Variants in NPTN observed in about 807,000 individuals in gnomAD.
The protein encoded by NPTN is SDR-1.
Under a neutral mutation model 42.7 loss-of-function variants are expected in NPTN, and 5 were observed. That is an observed-to-expected ratio of 0.12 (90% CI 0.06 to 0.25). The LOEUF is 0.25. Ranked by LOEUF, NPTN falls within the 10% of genes least tolerant of loss-of-function variation. The pLI is 1.00. For missense variants in NPTN, 307 were observed against 525.4 expected (o/e 0.58, Z 4.06); for synonymous variants, 180 against 201.9 (o/e 0.89, Z 0.92).
Position 73,560,856 on chromosome 15 carries a change from A to G in NPTN, c.*207T>C, listed in dbSNP as rs946843561. Reference sequence around the variant, plus strand: ...ACATTCACAGCACATCAAGCCCAAAATAGTTTACACCTTCTACACTGAAGC... The same window carrying G: ...ACATTCACAGCACATCAAGCCCAAAGTAGTTTACACCTTCTACACTGAAGC... On this transcript the variant is annotated 3_prime_UTR_variant, in exon 9 of 9. Transcript: ENST00000345330. 6.6e-6 allele frequency: 1 copy of G among 152,484 alleles called. No homozygotes were observed. Among genetic ancestry groups the G allele is most frequent in the Non-Finnish European group, 1.5e-5 (1 of 68,002 alleles). The allele number at this position is 152,484 out of a possible 1,614,324, so 9.4% of individuals were successfully genotyped here.
rs1483774401 is a variant in NPTN, at chr15:73,592,099, C to T, written c.478G>A (p.Asp160Asn). ...IVTSEEVIIR[D>N]SPVLPVTLQC... ...AGGGTGACAGGGAGAACAGGGCTGT[C>T]TCGAATAATGACCTCTTCACTGGTG... Residue 160 changes from aspartate to asparagine, a missense_variant, in exon 3 of 9, where the codon GAC becomes AAC. Around this residue, in one of 2 missense-constraint regions of NPTN, gnomAD observed 264 missense variants for 491.1 expected, o/e 0.54. Transcript: ENST00000345330. 5.0e-6 allele frequency: 8 copies of T among 1,613,974 alleles called. No homozygotes were observed. Among genetic ancestry groups the T allele is most frequent in the Non-Finnish European group, 6.8e-6 (8 of 1,179,956 alleles).
chr15:73,623,115 C>G lies in NPTN; in HGVS notation c.91+10010G>C, dbSNP rs114504580. 5.6e-3 allele frequency among the ~76,000 whole-genome samples: 857 copies of G among 152,226 alleles called. 6 individuals are homozygous for G. The highest frequency in any genetic ancestry group is 0.02 in the African/African-American group (817 of 41,532). On this transcript the variant is annotated intron_variant, in intron 1 of 8. Coordinates refer to ENST00000345330, the MANE Select transcript of NPTN (RefSeq NM_012428.4). ...AAGAAAAAGCTTAATTTCTAATGGC[C>G]AAAGGTTATACTTTTACTAGGTTTC...
At chr15:73,604,861 C>T (rs1266146440) in intron 1 of NPTN, among the ~76,000 whole-genome samples, 3 of 152,204 alleles carry the variant, frequency 2.0e-5, no homozygotes. Flanking sequence ...CGCAGTGGCT[C>T]ATGCCTGTAA....
intron 1 of NPTN, among the ~76,000 whole-genome samples, chr15:73,628,933 G>A (rs1211334783): frequency 3.9e-5 from 6 of 152,172 alleles, no homozygotes; most frequent in African/African-American, 7.2e-5. Context: ...ATAAGGATCT[G>A]TATTAATCAA....
chr15:73,595,784 C>T (rs1896809751), intron 2 of NPTN, among the ~76,000 whole-genome samples: 1 of 152,176 alleles, frequency 6.6e-6, no homozygotes, highest in African/African-American at 2.4e-5. Context: ...TCTTCTTGGC[C>T]AGGAACGTTG....
chr15:73,562,561 T>G (rs950740568), intron 7 of NPTN, among the ~76,000 whole-genome samples: 11 of 152,182 alleles, frequency 7.2e-5, no homozygotes, highest in African/African-American at 2.7e-4. Context: ...ACTTAACAAA[T>G]TTGGGTGCTG....
At chr15:73,608,151 GT>G (rs1897376461) in intron 1 of NPTN, among the ~76,000 whole-genome samples, 1 of 152,134 alleles carries the variant, frequency 6.6e-6, no homozygotes, top group Non-Finnish European at 1.5e-5. Flanking sequence ...GTTTTCCAGT[GT>G]ATACACTGAC....
chr15:73,607,290 A>T (rs528321280), intron 1 of NPTN, among the ~76,000 whole-genome samples: 18 of 152,326 alleles, frequency 1.2e-4, no homozygotes, highest in African/African-American at 4.1e-4. Context: ...CTCAAAAGCT[A>T]ATCTTTGCCA....
rs562933661 is a variant in NPTN at position 73,582,020 on chromosome 15, G to C, written c.706+5504C>G. On this transcript the variant is annotated intron_variant, in intron 4 of 8. Coordinates refer to ENST00000345330, the MANE Select transcript of NPTN (RefSeq NM_012428.4). ...CGGCTAATTTTTGTATTTTTTAGTA[G>C]AGACGGGGTTTCACCACCTTGGTCA... Among the ~76,000 whole-genome samples the C allele has an allele frequency of 3.2e-3, 484 of 152,226 alleles. 7 individuals carry two copies. The highest frequency in any genetic ancestry group is 0.011 in the African/African-American group (459 of 41,520).
intron 1 of NPTN, among the ~76,000 whole-genome samples, chr15:73,604,479 T>C (rs1897207060): frequency 6.6e-6 from 1 of 152,144 alleles, no homozygotes; most frequent in Admixed American, 6.5e-5. Flanking sequence ...ACAAAAATTA[T>C]GGGAATCTCT....
chr15:73,615,280 A>G (rs867782542), intron 1 of NPTN, among the ~76,000 whole-genome samples: 2 of 152,152 alleles, frequency 1.3e-5, no homozygotes, highest in Non-Finnish European at 2.9e-5. Flanking sequence ...AAGATTACTG[A>G]GCACATAACT....
chr15:73,574,764 AAC>A (rs1213280082), intron 4 of NPTN, among the ~76,000 whole-genome samples: 1 of 152,136 alleles, frequency 6.6e-6, no homozygotes, highest in African/African-American at 2.4e-5. Context: ...CCTGATTTGC[AAC>A]AGTTTCCTAG....
At chr15:73,591,253 T>C (rs867622144) in intron 3 of NPTN, among the ~76,000 whole-genome samples, 1 of 152,330 alleles carries the variant, frequency 6.6e-6, no homozygotes, top group South Asian at 2.1e-4. Context: ...CTCAGTGCTC[T>C]CTTTCTTTGC....
intron 7 of NPTN, among the ~76,000 whole-genome samples, chr15:73,562,190 A>AT (rs1217208703): frequency 4.6e-5 from 7 of 152,094 alleles, no homozygotes; most frequent in Non-Finnish European, 8.8e-5. Context: ...CAGATTTTGA[A>AT]TTTTTTTAGA....
rs1894573461 is a variant in NPTN, at chr15:73,560,130, T to C, written c.*933A>G. 1 of 421,238 alleles carries C rather than the reference T, an allele frequency of 2.4e-6. No individual in the cohort carries two copies. Among genetic ancestry groups the C allele is most frequent in the East Asian group, 4.7e-5 (1 of 21,334 alleles). 26.1% of individuals were successfully genotyped at this position (421,238 alleles called of 1,614,324 possible). A position where few individuals can be genotyped will look rare whatever the true frequency, so the allele number is the denominator to read the frequency against. ...CATGCATCTACAATTACGCACCGCA[T>C]GAGAACCGTTAGGTTATAAAATCTA... On this transcript the variant is annotated 3_prime_UTR_variant, in exon 9 of 9. Coordinates refer to ENST00000345330, the MANE Select transcript of NPTN (RefSeq NM_012428.4).
intron 4 of NPTN, among the ~76,000 whole-genome samples, chr15:73,574,424 A>G (rs897870560): frequency 9.2e-5 from 14 of 151,968 alleles, no homozygotes; most frequent in Non-Finnish European, 1.5e-4. Flanking sequence ...TTTTTTTTTA[A>G]TTGAATGACT....
chr15:73,567,401 A>G (rs1050586285), intron 6 of NPTN: 20 of 985,464 alleles, frequency 2.0e-5, no homozygotes, highest in Non-Finnish European at 2.4e-5. Flanking sequence ...GTAAACACTT[A>G]TGACCTCTTA....
chr15:73,624,409 G>C (rs1898293685), intron 1 of NPTN, among the ~76,000 whole-genome samples: 2 of 152,166 alleles, frequency 1.3e-5, no homozygotes, highest in South Asian at 4.1e-4. Flanking sequence ...TAATTTCAAT[G>C]CTGGAGCTCC....
chr15:73,615,553 A>G (rs1463216356), intron 1 of NPTN, among the ~76,000 whole-genome samples: 1 of 152,136 alleles, frequency 6.6e-6, no homozygotes, highest in Admixed American at 6.6e-5. Flanking sequence ...ACAATATCCT[A>G]TATACATTAT....
Sources: allele counts gnomAD v4.1 joint callset (sites outside exome capture counted in the v4.1 genomes callset), GRCh38; gene constraint gnomAD v4.1.1; regional missense constraint gnomAD v4.1.1; transcripts MANE v1.5; gene names NCBI Gene and HGNC (gene_info 2026-07-23, HGNC 2026-07-21).